Variants in PPFIA1 observed in about 807,000 individuals in gnomAD.
PPFIA1 encodes the protein liprin-alpha-1.
Under a neutral mutation model 149.9 loss-of-function variants are expected in PPFIA1, and 25 were observed. The ratio of observed to expected loss-of-function variants is 0.17; its 90% confidence interval spans 0.12 to 0.23. The LOEUF (loss-of-function observed/expected upper bound fraction) is 0.23, where lower values mean the gene tolerates loss of function less well. PPFIA1 is among the 10% of genes least tolerant of loss of function. The pLI, the probability that PPFIA1 is intolerant of heterozygous loss-of-function variation, is 1.00. For missense variants in PPFIA1, 1,362 were observed against 1,506.5 expected, an observed-to-expected ratio of 0.90 and a Z score of 1.59; for synonymous variants, 549 against 552.8, an observed-to-expected ratio of 0.99 and a Z score of 0.10.
intron 1 of PPFIA1, chr11:70,271,289 C>G (rs1400145605): frequency 6.6e-6 from 1 of 152,410 alleles, no homozygotes; most frequent in East Asian, 1.9e-4. Context: ...GAGTGCGGCT[C>G]GAGCAGGCTG....
intron 2 of PPFIA1, among the ~76,000 whole-genome samples, chr11:70,312,566 G>T (rs1565380162): frequency 6.6e-6 from 1 of 152,162 alleles, no homozygotes; most frequent in Admixed American, 6.5e-5. Flanking sequence ...GTGAGGCCCA[G>T]GAGTCTGCAT....
At chr11:70,306,585 A>G (rs2052868543) in intron 2 of PPFIA1, among the ~76,000 whole-genome samples, 3 of 152,222 alleles carry the variant, frequency 2.0e-5, no homozygotes, top group Non-Finnish European at 4.4e-5. Context: ...CTTGGGCATG[A>G]CAACCCTAGA....
At chr11:70,366,360 T>G (rs2056936071) in intron 21 of PPFIA1, among the ~76,000 whole-genome samples, 1 of 152,222 alleles carries the variant, frequency 6.6e-6, no homozygotes, top group Non-Finnish European at 1.5e-5. Flanking sequence ...ACACAAAAAT[T>G]GGCATAATGA....
chr11:70,290,121 T>C (rs2136198721), intron 2 of PPFIA1, among the ~76,000 whole-genome samples: 1 of 152,134 alleles, frequency 6.6e-6, no homozygotes, highest in East Asian at 1.9e-4. Context: ...TCCCAGCTAC[T>C]CAGGAGGCTG....
intron 2 of PPFIA1, among the ~76,000 whole-genome samples, chr11:70,289,094 A>G (rs527256238): frequency 6.6e-6 from 1 of 151,796 alleles, no homozygotes; most frequent in African/African-American, 2.4e-5. Flanking sequence ...CACTCTCCCA[A>G]GTAGCTGGGA....
intron 2 of PPFIA1, among the ~76,000 whole-genome samples, chr11:70,302,290 G>A (rs138054372): frequency 1.3e-4 from 20 of 152,330 alleles, no homozygotes; most frequent in Non-Finnish European, 2.2e-4. Context: ...AGCCACACTG[G>A]TCCTTAGAGG....
chr11:70,368,508 G>A (rs1488637957), intron 21 of PPFIA1, among the ~76,000 whole-genome samples: 3 of 152,102 alleles, frequency 2.0e-5, no homozygotes, highest in Non-Finnish European at 2.9e-5. Context: ...CAGACTTCAG[G>A]TACCTCGGGT....
intron 11 of PPFIA1, 74 bp from the exon 12 acceptor site, chr11:70,337,291 A>G (rs1216260732): frequency 1.6e-5 from 16 of 994,774 alleles, no homozygotes; most frequent in Non-Finnish European, 1.9e-5. Context: ...TTTTTTTTTT[A>G]AACGAATACA....
chr11:70,370,147 C>T (rs1047609182), intron 21 of PPFIA1, among the ~76,000 whole-genome samples: 7 of 151,736 alleles, frequency 4.6e-5, no homozygotes, highest in Admixed American at 3.3e-4. Context: ...GAAGAGGTTT[C>T]GCCATGTTGG....
chr11:70,293,377 C>T (rs905983491), intron 2 of PPFIA1, among the ~76,000 whole-genome samples: 2 of 152,236 alleles, frequency 1.3e-5, no homozygotes, highest in Admixed American at 1.3e-4. Flanking sequence ...GGTTTCCCAT[C>T]AATCAACTCT....
chr11:70,372,017 G>A (rs2057291547), intron 21 of PPFIA1, 198 bp from the exon 22 acceptor site: 1 of 408,090 alleles, frequency 2.5e-6, no homozygotes, highest in Non-Finnish European at 4.3e-6. Flanking sequence ...TATTTTTCAT[G>A]TTACTATTCC....
intron 2 of PPFIA1, among the ~76,000 whole-genome samples, chr11:70,286,990 C>T (rs1446242009): frequency 1.3e-5 from 2 of 151,336 alleles, no homozygotes; most frequent in East Asian, 1.9e-4. Context: ...CACATACACA[C>T]ACACACACAC....
At chr11:70,300,006 A>G (rs670141) in intron 2 of PPFIA1, among the ~76,000 whole-genome samples, 86,943 of 148,202 alleles carry the variant, frequency 0.59, 28,195 homozygotes, top group African/African-American at 0.88. Context: ...CCCTCCACCT[A>G]CCCCACAGAT....
In PPFIA1 at chr11:70,376,617, A is replaced by G; in HGVS notation, c.3384+17A>G. 1.3e-6 allele frequency: 2 copies of G among 1,580,574 alleles called. No homozygotes were observed. Among genetic ancestry groups the G allele is most frequent in the Non-Finnish European group, 1.7e-6 (2 of 1,149,598 alleles). ...TTTGATGAAGTAAGTTTTTGGCCTA[A>G]TGTTCTTTAAATGTCTGAAATGTGT... On this transcript the variant is annotated intron_variant, in intron 25 of 27. Transcript: ENST00000253925.
intron 2 of PPFIA1, among the ~76,000 whole-genome samples, chr11:70,314,058 G>C (rs1397166275): frequency 2.0e-5 from 3 of 152,178 alleles, no homozygotes; most frequent in African/African-American, 7.2e-5. Flanking sequence ...ATTTGCCTAG[G>C]GTAGGTGATT....
At chr11:70,271,946 G>T in intron 1 of PPFIA1, 1 of 538,580 alleles carries the variant, frequency 1.9e-6, no homozygotes, top group East Asian at 3.1e-5. Context: ...TTGGGATCTT[G>T]ACCCCTTCCC....
At chr11:70,351,017 T>C (rs2056025914) in intron 16 of PPFIA1, 2 of 1,252,674 alleles carry the variant, frequency 1.6e-6, no homozygotes, top group Non-Finnish European at 2.1e-6. Context: ...GGAAACATCG[T>C]AGAAAGGTAA....
At chr11:70,323,411 C>T (rs985526945) in intron 2 of PPFIA1, among the ~76,000 whole-genome samples, 1 of 152,160 alleles carries the variant, frequency 6.6e-6, no homozygotes, top group Non-Finnish European at 1.5e-5. Context: ...AAAGTTGAGC[C>T]TCCATTCCAG....
chr11:70,285,620 C>T (rs1156520424), intron 2 of PPFIA1, among the ~76,000 whole-genome samples: 2 of 147,950 alleles, frequency 1.4e-5, no homozygotes, highest in Non-Finnish European at 3.0e-5. Flanking sequence ...GTGGAGGTTG[C>T]AATGAGCTGT....
Sources: gnomAD v4.1 joint callset for allele counts (sites outside exome capture counted in the v4.1 genomes callset) on GRCh38, gnomAD v4.1.1 for gene constraint, MANE v1.5 for transcripts, NCBI Gene and HGNC (gene_info 2026-07-23, HGNC 2026-07-21) for gene names.